Variants in RHBDF1 observed in about 807,000 individuals in gnomAD.
RHBDF1 encodes rhomboid 5 homolog 1.
In RHBDF1, 80 loss-of-function variants were observed where a neutral mutation model predicts 98.6. That is an observed-to-expected ratio of 0.81 (90% CI 0.68 to 0.98). The LOEUF is 0.98. Among genes scored for constraint, RHBDF1 ranks in the 50% least tolerant of loss-of-function variants. The pLI, the probability that RHBDF1 is intolerant of heterozygous loss-of-function variation, is 0.00. For missense variants in RHBDF1, 1,116 were observed against 1,198.3 expected, an observed-to-expected ratio of 0.93 and a Z score of 1.01; for synonymous variants, 512 against 486.8, an observed-to-expected ratio of 1.05 and a Z score of -0.68.
At chr16:74,285 T>C (rs1884467075), upstream of RHBDF1, among the ~76,000 whole-genome samples, 1 of 152,186 alleles carries the variant, frequency 6.6e-6, no homozygotes. Flanking sequence ...ATGCCCAGAC[T>C]AGGCTGGCAG....
rs371311937 is a variant in RHBDF1, at chr16:63,191, G to C, written c.463-9C>G. On this transcript the variant is annotated splice_polypyrimidine_tract_variant and intron_variant, in intron 4 of 17. Transcript: ENST00000262316. ...GCCAGGGGGTCTATGATCTGGAGGA[G>C]GGGAGGAGATGCTGGAGTCAGGACC... is the stretch of plus-strand genomic sequence containing the variant. 1.4e-5 allele frequency: 22 copies of C among 1,559,030 alleles called. No homozygotes were observed. The African/African-American group carries it at 2.4e-4, about 17-fold the overall frequency.
At chr16:61,008 C>G in intron 11 of RHBDF1, 112 bp downstream of exon 11, 1 of 1,227,240 alleles carries the variant, frequency 8.1e-7, no homozygotes, top group Non-Finnish European at 1.1e-6. Flanking sequence ...CGCGTAAGGA[C>G]GGCGGGATGT....
intron 1 of RHBDF1, among the ~76,000 whole-genome samples, chr16:71,320 C>G (rs1897962375): frequency 6.6e-6 from 1 of 152,202 alleles, no homozygotes; most frequent in Non-Finnish European, 1.5e-5. Flanking sequence ...TTGCCCCTGC[C>G]CCATTCTCAG....
chr16:72,465 G>A, intron 1 of RHBDF1, 48 bp downstream of exon 1: 1 of 931,082 alleles, frequency 1.1e-6, no homozygotes, highest in Non-Finnish European at 1.3e-6. Context: ...CGCAGCCCCG[G>A]AACCCGCCCG....
chr16:72,252 C>T (rs1897991617), intron 1 of RHBDF1, among the ~76,000 whole-genome samples: 1 of 152,172 alleles, frequency 6.6e-6, no homozygotes, highest in African/African-American at 2.4e-5. Flanking sequence ...CGGCCACGGG[C>T]TATTTTTGCG....
chr16:63,862 A>C, intron 3 of RHBDF1, 62 bp from the exon 4 acceptor site: 3 of 1,420,710 alleles, frequency 2.1e-6, no homozygotes, highest in Non-Finnish European at 2.9e-6. Flanking sequence ...GGGGACTTCA[A>C]AGGCCCTCCT....
In RHBDF1 at chr16:65,019, T is replaced by G. The variant is rs1037187043; in HGVS notation, c.-4A>C. 4 of 1,512,680 alleles carry G rather than the reference T, an allele frequency of 2.6e-6. No homozygotes were observed. In the Admixed American group the frequency reaches 6.5e-5, roughly 25 times the overall value. 93.7% of individuals were successfully genotyped at this position (1,512,680 alleles called of 1,614,324 possible). A position where few individuals can be genotyped will look rare whatever the true frequency, so the allele number is the denominator to read the frequency against. ...TGTCCCTGCGGGCCTCACTCATGGT[T>G]CCTGGCAGAGCAAGGCAGGCCTGCG... is the stretch of plus-strand genomic sequence containing the variant. On this transcript the variant is annotated 5_prime_UTR_variant, in exon 2 of 18. Transcript: ENST00000262316.
In RHBDF1 at chr16:64,987, C is replaced by T. The variant is rs1406001187; in HGVS notation, c.29G>A (p.Ser10Asn). The stretch of plus-strand genomic sequence containing the variant: ...GGGTGGCTTCTTGCGCTGCAGGCTG[C>T]TCGTGCTGTCCCTGCGGGCCTCACT... MSEARRDST[S>N]SLQRKKPPWL... Residue 10 changes from serine (S) to asparagine (N), a missense_variant, in exon 2 of 18, where the codon AGC becomes AAC. Ser to Asn is a conservative substitution (Grantham distance 46). Coordinates refer to ENST00000262316, the MANE Select transcript of RHBDF1 (RefSeq NM_022450.5). 2 of 1,538,636 alleles carry T rather than the reference C, an allele frequency of 1.3e-6. No individual in the cohort carries two copies. Among genetic ancestry groups the T allele is most frequent in the Admixed American group, 1.9e-5 (1 of 52,302 alleles).
intron 7 of RHBDF1, 186 bp from the exon 8 acceptor site, chr16:62,238 C>CG: frequency 1.2e-6 from 1 of 831,690 alleles, no homozygotes. Context: ...GGAGCTGGAA[C>CG]GGGGACACAC....
In RHBDF1 at chr16:64,710, C is replaced by G. The variant is rs1269709407; in HGVS notation, c.237G>C (p.Gln79His). 6.8e-6 allele frequency: 11 copies of G among 1,611,880 alleles called. No homozygotes were observed. In the Admixed American group the frequency reaches 1.7e-4, roughly 24 times the overall value. Reference sequence around the variant, plus strand: ...GGCGGTGTTGGTACCTGCGGATGGTCTGTGTGATGGACGTCTGGCGTTGCA... The same window carrying G: ...GGCGGTGTTGGTACCTGCGGATGGTGTGTGTGATGGACGTCTGGCGTTGCA... ...PVLQRQTSIT[Q>H]TIRRGTADWF... Residue 79 changes from glutamine (Q) to histidine (H), a missense_variant, in exon 3 of 18, where the codon CAG becomes CAC. Coordinates refer to ENST00000262316, the MANE Select transcript of RHBDF1 (RefSeq NM_022450.5).
upstream of RHBDF1, among the ~76,000 whole-genome samples, chr16:75,459 C>T (rs1437086700): frequency 2.0e-5 from 3 of 152,192 alleles, no homozygotes; most frequent in Non-Finnish European, 4.4e-5. Context: ...CAGAAGAAAC[C>T]GCCCGGGGAG....
At chr16:64,460 G>A (rs760330640) in intron 3 of RHBDF1, 43 of 1,495,360 alleles carry the variant, frequency 2.9e-5, no homozygotes, top group Middle Eastern at 1.7e-4. Context: ...AAGAGCATCC[G>A]GGCGGTGGAG....
chr16:58,863 G>A (rs1398464260), intron 17 of RHBDF1, 104 bp from the exon 18 acceptor site: 6 of 1,555,120 alleles, frequency 3.9e-6, no homozygotes, highest in African/African-American at 1.4e-5. Context: ...GAGCATATTG[G>A]GACCGAGGAT....
chr16:74,974 C>G (rs925381586), upstream of RHBDF1: 18 of 152,516 alleles, frequency 1.2e-4, no homozygotes, highest in African/African-American at 4.3e-4. Flanking sequence ...AATAAACAGC[C>G]TTGTTGCTCA....
chr16:63,484 G>C, intron 4 of RHBDF1, 103 bp downstream of exon 4: 2 of 1,040,934 alleles, frequency 1.9e-6, no homozygotes, highest in Admixed American at 4.8e-5. Flanking sequence ...TCCAGACTGT[G>C]AGCTCCCAGA....
At position 61,951 on chromosome 16, in the gene RHBDF1, C is replaced by T. The variant is rs772249847; in HGVS notation, c.1055G>A (p.Arg352Gln). ...QEVVSTAGPRRGQRIAVPVRK... is the reference protein window; with the variant it reads ...QEVVSTAGPRQGQRIAVPVRK... ...CACCGGCACCGCGATACGCTGGCCC[C>T]GTCGCGGCCCCGCGGTGCTCACCAC... is the stretch of plus-strand genomic sequence containing the variant. Residue 352 changes from arginine to glutamine, a missense_variant, in exon 8 of 18, where the codon CGG (arginine) becomes CAG (glutamine). Transcript: ENST00000262316. 3 of 1,595,992 alleles carry T rather than the reference C, an allele frequency of 1.9e-6. No individual in the cohort carries two copies. The South Asian group carries it at 3.3e-5, about 18-fold the overall frequency.
intron 11 of RHBDF1, 135 bp from the exon 12 acceptor site, chr16:60,674 C>T (rs1216464875): frequency 1.4e-5 from 9 of 624,648 alleles, no homozygotes; most frequent in Non-Finnish European, 2.5e-5. Context: ...TTGAGATGCA[C>T]GTGCATGTTG....
rs374656396 is a variant in RHBDF1, at chr16:61,890, C to T, written c.1116G>A (p.Gly372=). The T allele has an allele frequency of 1.1e-5, 17 of 1,607,786 alleles. No homozygotes were observed. The highest frequency in any genetic ancestry group is 1.7e-5 in the Admixed American group (1 of 59,974). Residue 372 remains glycine (G), a synonymous_variant, in exon 8 of 18, where the codon GGG becomes GGA. Transcript: ENST00000262316. ...KLFAREKRPY[G]LGMVGRLTNR... ...TGGTGAGCCGTCCCACCATGCCCAG[C>T]CCATACGGCCGCTTCTCCCGGGCGA...
chr16:65,893 C>T (rs945739331), intron 1 of RHBDF1, among the ~76,000 whole-genome samples: 1 of 152,254 alleles, frequency 6.6e-6, no homozygotes, highest in African/African-American at 2.4e-5. Context: ...CGGCTCGGTG[C>T]CGGGGCTGCG....
Sources: allele counts gnomAD v4.1 joint callset (sites outside exome capture counted in the v4.1 genomes callset), GRCh38; gene constraint gnomAD v4.1.1; transcripts MANE v1.5; gene names NCBI Gene and HGNC (gene_info 2026-07-23, HGNC 2026-07-21).